CARS2: variants seen among roughly 807,000 people sequenced by gnomAD.
CARS2 encodes probable cysteine--tRNA ligase, mitochondrial.
Under a neutral mutation model 68.8 loss-of-function variants are expected in CARS2, and 52 were observed. That is an observed-to-expected ratio of 0.76 (90% confidence interval 0.61 to 0.95). CARS2 has a LOEUF of 0.95. Among genes scored for constraint, CARS2 ranks in the 40% least tolerant of loss-of-function variants. CARS2 has a pLI of 0.00. For missense variants in CARS2, 780 were observed against 754.2 expected, an observed-to-expected ratio of 1.03 and a Z score of -0.40; for synonymous variants, 314 against 303.6, an observed-to-expected ratio of 1.03 and a Z score of -0.36.
chr13:110,680,809 G>C (rs1168473043), intron 6 of CARS2, among the ~76,000 whole-genome samples: 2 of 152,212 alleles, frequency 1.3e-5, no homozygotes, highest in African/African-American at 4.8e-5. Context: ...AACAGCTAAG[G>C]CTAAGTGTCG....
chr13:110,684,429 C>G (rs979469542), intron 5 of CARS2, among the ~76,000 whole-genome samples: 6 of 151,824 alleles, frequency 4.0e-5, no homozygotes, highest in African/African-American at 1.5e-4. Flanking sequence ...CTGGATGTCC[C>G]CCTCCTGTCC....
rs1381476672 is a variant in CARS2, at chr13:110,670,766, G to A, written c.786-3293C>T. On this transcript the variant is annotated intron_variant, in intron 7 of 14. Transcript: ENST00000257347. This position sits in a 1 kb window ranked among gnomAD's most constrained non-coding sequence, Gnocchi z 4.1. ...ACGATCGGTAATAACAAACTTCTCC[G>A]AGCTAAAGGAGGATGTTTGAACCCA... 4.6e-5 allele frequency among the ~76,000 whole-genome samples: 7 copies of A among 152,150 alleles called. No individual in the cohort carries two copies. Among genetic ancestry groups the A allele is most frequent in the Non-Finnish European group, 8.8e-5 (6 of 68,014 alleles).
chr13:110,647,010 T>TG (rs1888221462), intron 11 of CARS2, 91 bp downstream of exon 11: 1 of 1,427,574 alleles, frequency 7.0e-7, no homozygotes, highest in Non-Finnish European at 9.3e-7. Context: ...CCCTGTCTCC[T>TG]GGGGGCCCCT....
chr13:110,706,501 C>T (rs1049265107), upstream of CARS2: 1 of 156,212 alleles, frequency 6.4e-6, no homozygotes, highest in African/African-American at 2.4e-5. Flanking sequence ...GGGCCCTGGC[C>T]TGTTAGCGAA....
intron 9 of CARS2, chr13:110,662,911 G>C: frequency 2.3e-6 from 1 of 428,438 alleles, no homozygotes; most frequent in South Asian, 1.6e-5. Context: ...AGAAGACAAA[G>C]GAGGAGTTCA....
intron 3 of CARS2, among the ~76,000 whole-genome samples, chr13:110,693,780 G>T (rs577202573): frequency 6.6e-6 from 1 of 152,064 alleles, no homozygotes; most frequent in Non-Finnish European, 1.5e-5. Flanking sequence ...AGGTAGAAAG[G>T]CGCTAAAATG....
Position 110,676,796 on chromosome 13 carries a change from A to T in CARS2, c.785+178T>A, listed in dbSNP as rs1378733115. ...TGAGGTCAGGAAAGCTTGATGTGTC[A>T]TGGGTTTCGTTCACCCCGTTCCATG... On this transcript the variant is annotated intron_variant, in intron 7 of 14. Coordinates refer to ENST00000257347, the MANE Select transcript of CARS2 (RefSeq NM_024537.4). This position sits in a 1 kb window ranked among gnomAD's most constrained non-coding sequence, Gnocchi z 4.0. Among the ~76,000 whole-genome samples the T allele has an allele frequency of 6.6e-6, 1 of 152,122 alleles. No homozygotes were observed. The highest frequency in any genetic ancestry group is 1.5e-5 in the Non-Finnish European group (1 of 68,002).
rs772128559 is a variant in CARS2 at position 110,701,545 on chromosome 13, T to C, written c.286A>G (p.Arg96Gly). Residue 96 changes from arginine to glycine, a missense_variant, in exon 3 of 15, where the codon AGA (arginine) becomes GGA (glycine). Physicochemically the swap from Arg to Gly is moderately radical, Grantham distance 125. Transcript: ENST00000257347. ...AGGATCCTTCGAATGATATCAAATC[T>C]AACATATGAGCTGAAAGAAAAAAAG... The part of the protein sequence containing the change: ...AHLGHACSYV[R>G]FDIIRRILTK... 5.4e-6 allele frequency: 8 copies of C among 1,493,920 alleles called. No individual in the cohort carries two copies. Among genetic ancestry groups the C allele is most frequent in the Non-Finnish European group, 7.5e-6 (8 of 1,070,316 alleles). The allele number at this position is 1,493,920 out of a possible 1,614,324, so 92.5% of individuals were successfully genotyped here. A position where few individuals can be genotyped will look rare whatever the true frequency, so the allele number is the denominator to read the frequency against.
In CARS2 at chr13:110,668,534, T is replaced by G. The variant is rs2062714341; in HGVS notation, c.786-1061A>C. Among the ~76,000 whole-genome samples, 1 of 112,416 alleles carries G rather than the reference T, an allele frequency of 8.9e-6. No individual in the cohort carries two copies. Among genetic ancestry groups the G allele is most frequent in the Non-Finnish European group, 1.9e-5 (1 of 51,724 alleles). 73.7% of individuals were successfully genotyped at this position (112,416 alleles called of 152,430 possible). A position where few individuals can be genotyped will look rare whatever the true frequency, so the allele number is the denominator to read the frequency against. On this transcript the variant is annotated intron_variant, in intron 7 of 14. Transcript: ENST00000257347. This position sits in a 1 kb window ranked among gnomAD's most constrained non-coding sequence, Gnocchi z 4.1. ...TCCAGCCTGGGTGACAGAGCGAGAC[T>G]CCGTCTCAAAAAAAAAAAAAGATTT...
chr13:110,644,259 T>A lies in CARS2; in HGVS notation c.1416+126A>T, dbSNP rs1887792368. 8 of 1,379,874 alleles carry A rather than the reference T, an allele frequency of 5.8e-6. No homozygotes were observed. In the Admixed American group the frequency reaches 1.6e-4, roughly 27 times the overall value. 85.5% of individuals were successfully genotyped at this position (1,379,874 alleles called of 1,614,324 possible). ...TGTTTATTTTTCCAGGAAAGTAACA[T>A]GTTTTTAAACAGGTAAATACATTAG... On this transcript the variant is annotated intron_variant, in intron 13 of 14. Transcript: ENST00000257347.
intron 3 of CARS2, among the ~76,000 whole-genome samples, chr13:110,693,299 T>C (rs2063527752): frequency 6.6e-6 from 1 of 151,948 alleles, no homozygotes; most frequent in Non-Finnish European, 1.5e-5. Flanking sequence ...TCACAAATGC[T>C]ACAATGACAA....
At chr13:110,700,466 G>T (rs2063752061) in intron 3 of CARS2, among the ~76,000 whole-genome samples, 1 of 152,210 alleles carries the variant, frequency 6.6e-6, no homozygotes, top group African/African-American at 2.4e-5. Flanking sequence ...AGGCGGCCTG[G>T]TGGGAAAAGT....
upstream of CARS2, among the ~76,000 whole-genome samples, chr13:110,710,948 A>ATTT (rs1384240099): frequency 4.6e-4 from 58 of 125,898 alleles, 1 homozygote; most frequent in Non-Finnish European, 5.1e-4. Flanking sequence ...TTTTTTTTTA[A>ATTT]AAAGAAAACC....
At chr13:110,645,464 C>T (rs1249565356) in intron 12 of CARS2, 1 of 152,372 alleles carries the variant, frequency 6.6e-6, no homozygotes, top group East Asian at 1.9e-4. Flanking sequence ...GACCCTCAGA[C>T]GTGCAGGAAC....
chr13:110,691,999 A>ATATATAT (rs1422673574), intron 3 of CARS2, among the ~76,000 whole-genome samples: 1 of 78,660 alleles, frequency 1.3e-5, no homozygotes, highest in African/African-American at 4.4e-5. Context: ...AAAAAAAAAA[A>ATATATAT]AAAAATATAT....
In CARS2 at chr13:110,668,275, G is replaced by A. The variant is rs2062704457; in HGVS notation, c.786-802C>T. 6.6e-6 allele frequency among the ~76,000 whole-genome samples: 1 copy of A among 152,158 alleles called. No homozygotes were observed. The highest frequency in any genetic ancestry group is 2.4e-5 in the African/African-American group (1 of 41,444). On this transcript the variant is annotated intron_variant, in intron 7 of 14. Transcript: ENST00000257347. The surrounding 1 kb of genome is among the most constrained non-coding windows in gnomAD (Gnocchi z 4.1). ...CTTTTACATCTTAGCCGGGCGCGGT[G>A]GCTCACGCCTGTAAACACAGCACTT...
intron 13 of CARS2, chr13:110,643,988 T>G (rs3818497): frequency 0.06 from 38,769 of 646,524 alleles, 1,298 homozygotes; most frequent in East Asian, 0.11. Context: ...GTCCTGTCCG[T>G]ACAAAACATG....
intron 9 of CARS2, among the ~76,000 whole-genome samples, chr13:110,659,716 A>C (rs1413043309): frequency 1.3e-5 from 2 of 152,244 alleles, no homozygotes; most frequent in East Asian, 3.8e-4. Context: ...TACGTACCTT[A>C]ATGAAAAAAT....
Position 110,642,539 on chromosome 13 carries a change from C to CG in CARS2, c.1417-19dup. On this transcript the variant is annotated intron_variant, in intron 13 of 14. Coordinates refer to ENST00000257347, the MANE Select transcript of CARS2 (RefSeq NM_024537.4). The stretch of plus-strand genomic sequence containing the variant: ...GAAACGTACTGAAGCCAGCAGGGCG[C>CG]GGTTACGTCCCCCGGAGACTGTGGA... 6.2e-7 allele frequency: 1 copy of CG among 1,606,910 alleles called. No homozygotes were observed. The highest frequency in any genetic ancestry group is 8.5e-7 in the Non-Finnish European group (1 of 1,176,556).
Sources: allele counts gnomAD v4.1 joint callset (sites outside exome capture counted in the v4.1 genomes callset), GRCh38; gene constraint gnomAD v4.1.1; non-coding constraint Gnocchi (gnomAD v3.1); transcripts MANE v1.5; gene names NCBI Gene and HGNC (gene_info 2026-07-23, HGNC 2026-07-21).